Variants in ABCA4 observed in about 807,000 individuals in gnomAD.
ABCA4 encodes the protein retinal-specific phospholipid-transporting ATPase ABCA4.
Under a neutral mutation model 263.7 loss-of-function variants are expected in ABCA4, and 196 were observed. The ratio of observed to expected loss-of-function variants is 0.74; its 90% CI spans 0.66 to 0.84. The LOEUF (loss-of-function observed/expected upper bound fraction) is 0.84, where lower values mean the gene tolerates loss of function less well. Among genes scored for constraint, ABCA4 ranks in the 40% least tolerant of loss-of-function variants. ABCA4 has a pLI of 0.00. For missense variants in ABCA4, 2,792 were observed against 2,855.1 expected, an observed-to-expected ratio of 0.98 and a Z score of 0.50; for synonymous variants, 1,133 against 1,094.2, an observed-to-expected ratio of 1.04 and a Z score of -0.70.
In ABCA4 at chr1:94,021,729, AAC is replaced by A. The variant is rs55860151; in HGVS notation, c.4774-17_4774-16del. 0.2 allele frequency: 324,456 copies of A among 1,611,092 alleles called. 35,843 individuals carry two copies. The highest frequency in any genetic ancestry group is 0.45 in the East Asian group (20,049 of 44,814). ...GTGATAGGGCCCTAAAAACCATGTAAACAAACAAACAAGACGGTTTTAATTTT... is the reference window on the plus strand; with the variant it reads ...GTGATAGGGCCCTAAAAACCATGTAAAAACAAACAAGACGGTTTTAATTTT... On this transcript the variant is annotated splice_polypyrimidine_tract_variant and intron_variant, in intron 33 of 49. Transcript: ENST00000370225.
intron 30 of ABCA4, among the ~76,000 whole-genome samples, chr1:94,027,210 C>T (rs1460392156): frequency 6.6e-6 from 1 of 152,158 alleles, no homozygotes; most frequent in African/African-American, 2.4e-5. Flanking sequence ...ACTGGCTTGC[C>T]TTTTTCTAGG....
chr1:94,070,148 G>A (rs1661367654), intron 11 of ABCA4, among the ~76,000 whole-genome samples: 1 of 152,182 alleles, frequency 6.6e-6, no homozygotes, highest in Non-Finnish European at 1.5e-5. Flanking sequence ...ACAGAGCTGG[G>A]CACTGACCAA....
intron 5 of ABCA4, among the ~76,000 whole-genome samples, chr1:94,100,680 G>T (rs1662261955): frequency 6.6e-6 from 1 of 152,204 alleles, no homozygotes; most frequent in African/African-American, 2.4e-5. Context: ...TCCCTAGATG[G>T]AGAGAGGGAA....
intron 30 of ABCA4, among the ~76,000 whole-genome samples, chr1:94,028,888 CAGAG>C (rs573630608): frequency 1.5e-3 from 157 of 106,888 alleles, no homozygotes; most frequent in African/African-American, 5.2e-3. Context: ...ACCTGGGTGA[CAGAG>C]AGAGACTCTG....
At chr1:94,047,187 G>A (rs527638810) in intron 18 of ABCA4, 94 bp from the exon 19 acceptor site, 20 of 1,384,370 alleles carry the variant, frequency 1.4e-5, no homozygotes, top group East Asian at 1.4e-4. Flanking sequence ...TGCCTATAAC[G>A]TCACCTGCCC....
At position 94,113,074 on chromosome 1, in the gene ABCA4, A is replaced by G; in HGVS notation, c.67-8T>C. Reference sequence around the variant, plus strand: ...TTCCACCACAAAGCGAATCTGGAAAAACAAAACAAAAAGAGAGAAAGTTCA... The same window carrying G: ...TTCCACCACAAAGCGAATCTGGAAAGACAAAACAAAAAGAGAGAAAGTTCA... On this transcript the variant is annotated splice_region_variant and splice_polypyrimidine_tract_variant and intron_variant, in intron 1 of 49. Transcript: ENST00000370225. 1 of 1,613,416 alleles carries G rather than the reference A, an allele frequency of 6.2e-7. No individual in the cohort carries two copies. The highest frequency in any genetic ancestry group is 1.7e-5 in the Admixed American group (1 of 60,030).
At chr1:94,107,128 A>G (rs1570429598) in intron 4 of ABCA4, among the ~76,000 whole-genome samples, 1 of 152,180 alleles carries the variant, frequency 6.6e-6, no homozygotes, top group Non-Finnish European at 1.5e-5. Context: ...TTCTATCAAT[A>G]CAGCCTCTCC....
intron 44 of ABCA4, 183 bp downstream of exon 44, chr1:94,005,258 T>C (rs943655976): frequency 1.1e-5 from 8 of 729,028 alleles, no homozygotes; most frequent in African/African-American, 1.8e-5. Context: ...GTCTGTCTTG[T>C]TCACTGCTAT....
At chr1:94,000,740 A>T (rs1659149973) in intron 47 of ABCA4, 96 bp downstream of exon 47, 2 of 1,305,412 alleles carry the variant, frequency 1.5e-6, no homozygotes, top group Non-Finnish European at 2.2e-6. Context: ...CCAGGGGATG[A>T]CGGAGCAGCA....
At chr1:94,019,910 T>A in intron 35 of ABCA4, 151 bp from the exon 36 acceptor site, 1 of 818,552 alleles carries the variant, frequency 1.2e-6, no homozygotes, top group Non-Finnish European at 2.1e-6. Context: ...GTCACTCCAC[T>A]AAACTGTCTT....
At chr1:94,019,548 G>A (rs376295988) in intron 36 of ABCA4, 34 bp downstream of exon 36, 133 of 1,569,338 alleles carry the variant, frequency 8.5e-5, no homozygotes, top group Non-Finnish European at 1.1e-4. Context: ...TTGGGCCCAC[G>A]GAGGGGAGGG....
rs1311140705 is a variant in ABCA4 at position 94,005,423 on chromosome 1, C to A, written c.6147+18G>T. On this transcript the variant is annotated intron_variant, in intron 44 of 49. Coordinates refer to ENST00000370225, the MANE Select transcript of ABCA4 (RefSeq NM_000350.3). Reference sequence around the variant, plus strand: ...AATTAACCAGACTCCTATGTGGCCACAACAAAACATTTTTCACCTTTTCGA... The same window carrying A: ...AATTAACCAGACTCCTATGTGGCCAAAACAAAACATTTTTCACCTTTTCGA... 37 of 1,614,074 alleles carry A rather than the reference C, an allele frequency of 2.3e-5. No individual in the cohort carries two copies. Among genetic ancestry groups the A allele is most frequent in the South Asian group, 3.3e-5 (3 of 91,074 alleles).
chr1:94,097,691 G>T (rs911313312), intron 6 of ABCA4, among the ~76,000 whole-genome samples: 2 of 152,158 alleles, frequency 1.3e-5, no homozygotes, highest in African/African-American at 4.8e-5. Context: ...GTGATTGGGG[G>T]TGGGGATTTA....
chr1:94,020,951 A>G (rs56367114), intron 35 of ABCA4, among the ~76,000 whole-genome samples: 8 of 152,254 alleles, frequency 5.3e-5, no homozygotes, highest in Non-Finnish European at 5.9e-5. Context: ...TGCACATAGC[A>G]AAGATAATAA....
At chr1:94,116,968 C>CTCTTTCTT (rs57665252) in intron 1 of ABCA4, among the ~76,000 whole-genome samples, 14,187 of 99,660 alleles carry the variant, frequency 0.14, 1,088 homozygotes, top group Non-Finnish European at 0.15. Flanking sequence ...TTCTTTCTTT[C>CTCTTTCTT]TCTTTCTTTC....
At chr1:94,118,060 G>A (rs1338988183) in intron 1 of ABCA4, among the ~76,000 whole-genome samples, 1 of 152,124 alleles carries the variant, frequency 6.6e-6, no homozygotes, top group Non-Finnish European at 1.5e-5. Flanking sequence ...GTGGTGTAAC[G>A]GCCATGCCTG....
At position 94,080,620 on chromosome 1, in the gene ABCA4, C is replaced by G. The variant is rs769393144; in HGVS notation, c.957G>C (p.Leu319=). The change falls in exon 8 of 50, where the codon CTG becomes CTC. Residue 319 remains leucine, a synonymous_variant. Coordinates refer to ENST00000370225, the MANE Select transcript of ABCA4 (RefSeq NM_000350.3). Reference sequence around the variant, plus strand: ...CGGGGTAGCCACACAGGAGGTCAGACAGGATGCCCATCAGCTTTGTAAAGG... The same window carrying G: ...CGGGGTAGCCACACAGGAGGTCAGAGAGGATGCCCATCAGCTTTGTAAAGG... The part of the protein sequence containing the change: ...PETFTKLMGI[L]SDLLCGYPEG... 3.1e-6 allele frequency: 5 copies of G among 1,614,164 alleles called. No homozygotes were observed. In the South Asian group the frequency reaches 4.4e-5, roughly 14 times the overall value.
intron 32 of ABCA4, 114 bp from the exon 33 acceptor site, chr1:94,022,065 G>A (rs950411072): frequency 4.3e-5 from 36 of 846,194 alleles, no homozygotes; most frequent in African/African-American, 1.5e-4. Context: ...CTGGACCAGC[G>A]AGCAACATGG....
chr1:94,037,312 C>T lies in ABCA4; in HGVS notation c.3646G>A (p.Val1216Ile), dbSNP rs776212035. The T allele has an allele frequency of 1.2e-6, 2 of 1,614,212 alleles. No homozygotes were observed. The highest frequency in any genetic ancestry group is 8.5e-7 in the Non-Finnish European group (1 of 1,180,042). ...CACTCCACCAGCTTTGCCTCTGGAACATGGTGGAGAACTACATCCATCAGC... is the reference window on the plus strand; with the variant it reads ...CACTCCACCAGCTTTGCCTCTGGAATATGGTGGAGAACTACATCCATCAGC... ...NELMDVVLHH[V>I]PEAKLVECIG... The change falls in exon 25 of 50, where the codon GTT (valine) becomes ATT (isoleucine). Residue 1216 changes from valine (V) to isoleucine (I), a missense_variant. By Grantham distance (29) the Val-to-Ile change is conservative. Transcript: ENST00000370225.
Sources: gnomAD v4.1 joint callset for allele counts (sites outside exome capture counted in the v4.1 genomes callset) on GRCh38, gnomAD v4.1.1 for gene constraint, MANE v1.5 for transcripts, NCBI Gene and HGNC (gene_info 2026-07-23, HGNC 2026-07-21) for gene names.